ATP6V0A1: variants seen among roughly 807,000 people sequenced by gnomAD.
ATP6V0A1 encodes V-type proton ATPase 116 kDa subunit a 1.
Under a neutral mutation model 105.4 loss-of-function variants are expected in ATP6V0A1, and 43 were observed. The ratio of observed to expected loss-of-function variants is 0.41; its 90% CI spans 0.32 to 0.53. ATP6V0A1 has a LOEUF of 0.53. ATP6V0A1 is among the 20% of genes least tolerant of loss of function. The probability of loss-of-function intolerance (pLI) is 0.30; values close to 1 mark genes in which losing one functional copy is unlikely to be tolerated. For missense variants in ATP6V0A1, 676 were observed against 1,051.1 expected, an observed-to-expected ratio of 0.64 and a Z score of 4.93; for synonymous variants, 362 against 372.8, an observed-to-expected ratio of 0.97 and a Z score of 0.33.
In ATP6V0A1 at chr17:42,498,130, A is replaced by G. The variant is rs374963428; in HGVS notation, c.1561-794A>G. The stretch of plus-strand genomic sequence containing the variant: ...CTGGGCATCGTGGCCTGTGCCTGTA[A>G]TCCCAGCTACCTGGGAGGCTGAGGC... On this transcript the variant is annotated intron_variant, in intron 14 of 21. Coordinates refer to ENST00000343619, the MANE Select transcript of ATP6V0A1 (RefSeq NM_001130021.3). 1.9e-4 allele frequency among the ~76,000 whole-genome samples: 29 copies of G among 152,196 alleles called. 2 individuals carry two copies. The South Asian group carries it at 5.8e-3, about 30-fold the overall frequency.
At chr17:42,511,399 G>T (rs974172716) in intron 19 of ATP6V0A1, 2 of 152,288 alleles carry the variant, frequency 1.3e-5, no homozygotes, top group African/African-American at 2.4e-5. Context: ...CTGGGCGGTA[G>T]TGGCATGTGC....
chr17:42,460,422 A>G (rs962741355), intron 1 of ATP6V0A1: 6 of 157,010 alleles, frequency 3.8e-5, no homozygotes, highest in African/African-American at 1.4e-4. Flanking sequence ...CAAGGCAGAC[A>G]TCTTTATGAG....
At chr17:42,461,719 C>T (rs1032833218) in intron 2 of ATP6V0A1, among the ~76,000 whole-genome samples, 12 of 151,980 alleles carry the variant, frequency 7.9e-5, no homozygotes, top group African/African-American at 9.7e-5. Context: ...TGCAGTGAGC[C>T]GAGATTGTGT....
intron 9 of ATP6V0A1, among the ~76,000 whole-genome samples, chr17:42,485,718 T>A (rs903416269): frequency 3.9e-5 from 6 of 152,108 alleles, no homozygotes; most frequent in Admixed American, 2.6e-4. Context: ...GCCCAGCTAA[T>A]TATTTTTTGG....
intron 19 of ATP6V0A1, among the ~76,000 whole-genome samples, chr17:42,512,900 G>A (rs375003757): frequency 9.2e-5 from 14 of 152,210 alleles, no homozygotes; most frequent in Admixed American, 4.6e-4. Flanking sequence ...TGGGCTCTGC[G>A]GGGGGAAGCC....
chr17:42,482,003 G>A (rs1240667298), intron 8 of ATP6V0A1, among the ~76,000 whole-genome samples: 4 of 151,952 alleles, frequency 2.6e-5, no homozygotes, highest in East Asian at 1.9e-4. Context: ...CAGCACACCC[G>A]GCTAATTTTT....
chr17:42,498,766 C>T (rs1202838135), intron 14 of ATP6V0A1, among the ~76,000 whole-genome samples, 158 bp from the exon 15 acceptor site: 1 of 152,178 alleles, frequency 6.6e-6, no homozygotes, highest in Non-Finnish European at 1.5e-5. Context: ...GCAGAGCTTG[C>T]AGTGAGCTGA....
chr17:42,477,228 G>T (rs1448634651), intron 5 of ATP6V0A1, among the ~76,000 whole-genome samples: 1 of 152,170 alleles, frequency 6.6e-6, no homozygotes, highest in Non-Finnish European at 1.5e-5. Flanking sequence ...CAGAGTATCT[G>T]CAGAGTCTCT....
chr17:42,465,317 T>G (rs958294117), intron 2 of ATP6V0A1, among the ~76,000 whole-genome samples: 1 of 144,358 alleles, frequency 6.9e-6, no homozygotes, highest in Admixed American at 7.0e-5. Flanking sequence ...GAGACAAGAG[T>G]CTCACTCTTG....
At chr17:42,501,012 C>A in intron 16 of ATP6V0A1, 89 bp downstream of exon 16, 1 of 1,384,352 alleles carries the variant, frequency 7.2e-7, no homozygotes, top group South Asian at 1.2e-5. Context: ...TTTATAACTG[C>A]CCTTCTATGG....
chr17:42,514,280 A>G lies in ATP6V0A1; in HGVS notation c.2249-9A>G. 2 of 1,567,344 alleles carry G rather than the reference A, an allele frequency of 1.3e-6. No homozygotes were observed. Among genetic ancestry groups the G allele is most frequent in the South Asian group, 1.2e-5 (1 of 83,706 alleles). Reference sequence around the variant, plus strand: ...AACTGCACTGGATTTTGTGTCTCCCATTCCCCAGAGCTGTCTGAGGTGCTT... The same window carrying G: ...AACTGCACTGGATTTTGTGTCTCCCGTTCCCCAGAGCTGTCTGAGGTGCTT... On this transcript the variant is annotated splice_polypyrimidine_tract_variant and intron_variant, in intron 20 of 21. Transcript: ENST00000343619.
chr17:42,510,183 G>C (rs1007208684), intron 19 of ATP6V0A1: 1 of 152,212 alleles, frequency 6.6e-6, no homozygotes, highest in Non-Finnish European at 1.5e-5. Context: ...ACTCAGCAAG[G>C]GTCAGTGGCA....
In ATP6V0A1 at chr17:42,500,897, G is replaced by A. The variant is rs1210573659; in HGVS notation, c.1870G>A (p.Gly624Ser). The change falls in exon 16 of 22, where the codon GGT (glycine) becomes AGT (serine). Residue 624 changes from glycine (G) to serine (S), a missense_variant. By Grantham distance (56) the Gly-to-Ser change is moderately conservative. Around this residue, in one of 3 missense-constraint regions of ATP6V0A1, gnomAD observed 435 missense variants for 642.2 expected, o/e 0.68. Transcript: ENST00000343619. ...GTTCCTCTTTTCCTACCCAGAGTCT[G>A]GTTATTCAATGTTGTATTCTGGACA... is the stretch of plus-strand genomic sequence containing the variant. ...NMFLFSYPES[G>S]YSMLYSGQKG... The A allele has an allele frequency of 1.9e-6, 3 of 1,613,670 alleles. No individual in the cohort carries two copies. The Admixed American group carries it at 5.0e-5, about 27-fold the overall frequency.
intron 10 of ATP6V0A1, 53 bp downstream of exon 10, chr17:42,487,420 T>TC: frequency 6.4e-7 from 1 of 1,573,506 alleles, no homozygotes; most frequent in Non-Finnish European, 8.7e-7. Flanking sequence ...GAGGTTCCCA[T>TC]CAATAGTAAC....
At chr17:42,495,599 A>T (rs1567846996) in intron 13 of ATP6V0A1, 27 bp from the exon 14 acceptor site, 1 of 1,560,544 alleles carries the variant, frequency 6.4e-7, no homozygotes, top group Admixed American at 1.7e-5. Flanking sequence ...GTTCAAAAAT[A>T]ATGTGACTTT....
intron 21 of ATP6V0A1, among the ~76,000 whole-genome samples, chr17:42,517,155 C>T (rs572554415): frequency 2.0e-5 from 3 of 152,270 alleles, no homozygotes; most frequent in East Asian, 3.9e-4. Context: ...TGGTGGGCGC[C>T]TGTAATCCCA....
intron 19 of ATP6V0A1, among the ~76,000 whole-genome samples, chr17:42,512,206 TCTC>T (rs1384173388): frequency 6.6e-6 from 1 of 152,108 alleles, no homozygotes; most frequent in Non-Finnish European, 1.5e-5. Context: ...AGTCCTTGCT[TCTC>T]CTGAGAACAC....
chr17:42,464,624 C>T (rs916465492), intron 2 of ATP6V0A1, among the ~76,000 whole-genome samples: 15 of 152,168 alleles, frequency 9.9e-5, no homozygotes, highest in East Asian at 1.9e-4. Flanking sequence ...GGGCTGGTCT[C>T]GAACTCCTGA....
At chr17:42,514,829 C>A (rs1404547305) in intron 21 of ATP6V0A1, among the ~76,000 whole-genome samples, 3 of 152,110 alleles carry the variant, frequency 2.0e-5, no homozygotes, top group African/African-American at 7.2e-5. Context: ...ACAGTGGAAG[C>A]AGCTCTGGAA....
Sources: gnomAD v4.1 joint callset for allele counts (sites outside exome capture counted in the v4.1 genomes callset) on GRCh38, gnomAD v4.1.1 for gene constraint, gnomAD v4.1.1 regional missense constraint, MANE v1.5 for transcripts, NCBI Gene and HGNC (gene_info 2026-07-23, HGNC 2026-07-21) for gene names.